The following PRCC variants were observed in gnomAD, a reference collection of about 807,000 sequenced individuals.
PRCC encodes the protein proline rich mitotic checkpoint control factor.
A neutral mutation model predicts 44.0 loss-of-function variants in PRCC; 10 were observed. The observed-to-expected ratio is 0.23, with a 90% CI of 0.14 to 0.39. PRCC has a LOEUF of 0.39. Among genes scored for constraint, PRCC ranks in the 10% least tolerant of loss-of-function variants. PRCC has a pLI of 1.00. For synonymous variants in PRCC, 278 were observed against 259.5 expected, an observed-to-expected ratio of 1.07 and a Z score of -0.69; for missense variants, 573 against 624.7, an observed-to-expected ratio of 0.92 and a Z score of 0.88.
At position 156,791,806 on chromosome 1, in the gene PRCC, G is replaced by C; in HGVS notation, c.1179+14G>C. 1 of 1,607,268 alleles carries C rather than the reference G, an allele frequency of 6.2e-7. No homozygotes were observed. Among genetic ancestry groups the C allele is most frequent in the South Asian group, 1.1e-5 (1 of 90,460 alleles). On this transcript the variant is annotated intron_variant, in intron 4 of 6. Transcript: ENST00000271526. ...GATGACGAAGCAGTAAGTTAAGAAA[G>C]CACAAGTGACCATCTTTGACCGCTG...
At position 156,794,693 on chromosome 1, in the gene PRCC, G is replaced by A. The variant is rs996666564; in HGVS notation, c.1208G>A (p.Arg403Gln). The A allele has an allele frequency of 4.3e-6, 7 of 1,614,124 alleles. No homozygotes were observed. In the Admixed American group the frequency reaches 5.0e-5, roughly 12 times the overall value. Reference protein sequence around the residue: ...AFKRLQGKRNRGREEINFVEI... With the variant: ...AFKRLQGKRNQGREEINFVEI... ...AAGCGGCTGCAGGGCAAGAGGAACC[G>A]AGGGAGAGAAGAAATCAACTTTGTG... is the stretch of plus-strand genomic sequence containing the variant. The change falls in exon 5 of 7, where the codon CGA becomes CAA. Residue 403 changes from arginine (R) to glutamine (Q), a missense_variant. This residue lies in a region of PRCC where 69 missense variants were observed against 139.3 expected (regional missense o/e 0.50). Coordinates refer to ENST00000271526, the MANE Select transcript of PRCC (RefSeq NM_005973.5).
At chr1:156,777,991 C>T (rs1157703950) in intron 1 of PRCC, among the ~76,000 whole-genome samples, 4 of 152,174 alleles carry the variant, frequency 2.6e-5, no homozygotes, top group Non-Finnish European at 5.9e-5. Context: ...TTTATGAATA[C>T]TGTAGAATAA....
rs1288092599 is a variant in PRCC at position 156,787,207 on chromosome 1, A to T, written c.1083+33A>T. The stretch of plus-strand genomic sequence containing the variant: ...GGAGGCACAGAGGGCAGGCGAGGGA[A>T]TGTTGGAACATGGTGGTCAAGGAGA... On this transcript the variant is annotated intron_variant, in intron 3 of 6. Transcript: ENST00000271526. 4 of 1,555,944 alleles carry T rather than the reference A, an allele frequency of 2.6e-6. No individual in the cohort carries two copies. In the East Asian group the frequency reaches 9.0e-5, roughly 35 times the overall value.
intron 1 of PRCC, among the ~76,000 whole-genome samples, chr1:156,780,050 G>A (rs927006587): frequency 2.0e-5 from 3 of 151,538 alleles, no homozygotes; most frequent in Non-Finnish European, 4.4e-5. Context: ...GCTAACTTTT[G>A]TATTTTTATT....
chr1:156,799,141 C>T (rs548398361), intron 6 of PRCC, among the ~76,000 whole-genome samples: 1 of 152,088 alleles, frequency 6.6e-6, no homozygotes, highest in Non-Finnish European at 1.5e-5. Flanking sequence ...CATGTATGAT[C>T]TGTATTTGTG....
At chr1:156,774,521 C>T (rs77987554) in intron 1 of PRCC, among the ~76,000 whole-genome samples, 10,272 of 148,726 alleles carry the variant, frequency 0.069, 486 homozygotes, top group South Asian at 0.14. Context: ...GGGTCTCAGT[C>T]TGTTGCCCAG....
intron 1 of PRCC, among the ~76,000 whole-genome samples, chr1:156,768,566 A>G (rs925865501): frequency 2.6e-5 from 4 of 151,888 alleles, no homozygotes; most frequent in Admixed American, 6.6e-5. Flanking sequence ...CTTTCCTCCT[A>G]CTGAGAACAG....
In PRCC at chr1:156,786,776, C is replaced by G. The variant is rs201490397; in HGVS notation, c.685C>G (p.Leu229Val). The change falls in exon 3 of 7, where the codon CTT becomes GTT. Residue 229 changes from leucine to valine, a missense_variant. This residue lies in a region of PRCC where 118 missense variants were observed against 166.7 expected (regional missense o/e 0.71). Coordinates refer to ENST00000271526, the MANE Select transcript of PRCC (RefSeq NM_005973.5). ...GGCTTCTAAGACCAAGACTTCCTCTCTTGCCCCTGTTGTGGGCACCACAAC... is the reference window on the plus strand; with the variant it reads ...GGCTTCTAAGACCAAGACTTCCTCTGTTGCCCCTGTTGTGGGCACCACAAC... ...RLASKTKTSSLAPVVGTTTTT... is the reference protein window; with the variant it reads ...RLASKTKTSSVAPVVGTTTTT... 1.9e-6 allele frequency: 3 copies of G among 1,614,234 alleles called. No homozygotes were observed. In the South Asian group the frequency reaches 3.3e-5, roughly 18 times the overall value.
intron 4 of PRCC, among the ~76,000 whole-genome samples, chr1:156,792,631 T>C (rs1487902447): frequency 6.6e-6 from 1 of 152,086 alleles, no homozygotes; most frequent in Non-Finnish European, 1.5e-5. Context: ...TTTTTGTATT[T>C]TTAGTAGAGA....
At position 156,767,780 on chromosome 1, in the gene PRCC, G is replaced by T. The variant is rs756370853; in HGVS notation, c.9G>T (p.Leu3=). 6.2e-7 allele frequency: 1 copy of T among 1,603,072 alleles called. No homozygotes were observed. Among genetic ancestry groups the T allele is most frequent in the Non-Finnish European group, 8.5e-7 (1 of 1,176,410 alleles). MS[L]VAYASSDESE... is the part of the protein sequence containing the mutation. ...GAAACGCGGGAGGCGCCATGTCGCTGGTTGCTTACGCCAGCAGCGATGAGA... is the reference window on the plus strand; with the variant it reads ...GAAACGCGGGAGGCGCCATGTCGCTTGTTGCTTACGCCAGCAGCGATGAGA... The change falls in exon 1 of 7, where the codon CTG becomes CTT. Residue 3 remains leucine, a synonymous_variant. Transcript: ENST00000271526.
intron 5 of PRCC, 112 bp downstream of exon 5, chr1:156,794,920 C>A: frequency 7.2e-7 from 1 of 1,393,680 alleles, no homozygotes; most frequent in Non-Finnish European, 9.9e-7. Context: ...GCACCTTTAG[C>A]AAACACATTT....
intron 1 of PRCC, among the ~76,000 whole-genome samples, chr1:156,774,950 CAAAA>C (rs35955533): frequency 3.8e-5 from 4 of 105,486 alleles, no homozygotes; most frequent in Admixed American, 9.7e-5. Flanking sequence ...GACTCTGTCT[CAAAA>C]AAAAAAAAAA....
chr1:156,785,077 C>G (rs1652187701), intron 2 of PRCC, among the ~76,000 whole-genome samples: 2 of 152,056 alleles, frequency 1.3e-5, no homozygotes, highest in African/African-American at 4.8e-5. Flanking sequence ...ACTAAAGATA[C>G]TAAAATTACA....
At position 156,767,962 on chromosome 1, in the gene PRCC, C is replaced by A; in HGVS notation, c.191C>A (p.Pro64Gln). ...CAGATGCTGGCGCCAGCCTTTCCCC[C>A]GCCGCTGTTGCTTCCCCCACCCACC... Reference protein sequence around the residue: ...PPQMLAPAFPPPLLLPPPTGD... With the variant: ...PPQMLAPAFPQPLLLPPPTGD... Residue 64 changes from proline (P) to glutamine (Q), a missense_variant, in exon 1 of 7, where the codon CCG becomes CAG. Around this residue, in one of 4 missense-constraint regions of PRCC, gnomAD observed 245 missense variants for 188.5 expected, o/e 1.30. Transcript: ENST00000271526. The A allele has an allele frequency of 6.3e-7, 1 of 1,586,354 alleles. No individual in the cohort carries two copies. The highest frequency in any genetic ancestry group is 1.8e-5 in the Admixed American group (1 of 56,644).
intron 1 of PRCC, among the ~76,000 whole-genome samples, chr1:156,772,503 G>A (rs761059183): frequency 1.3e-5 from 2 of 152,196 alleles, no homozygotes; most frequent in African/African-American, 4.8e-5. Flanking sequence ...TACACTGGTT[G>A]ATTTCATAGG....
At chr1:156,783,615 A>T (rs931842971) in intron 2 of PRCC, among the ~76,000 whole-genome samples, 1 of 152,038 alleles carries the variant, frequency 6.6e-6, no homozygotes, top group Non-Finnish European at 1.5e-5. Flanking sequence ...GCGTGGTGAC[A>T]GGTGCCTATA....
intron 1 of PRCC, among the ~76,000 whole-genome samples, chr1:156,772,494 A>G (rs1217439815): frequency 6.6e-6 from 1 of 152,224 alleles, no homozygotes; most frequent in African/African-American, 2.4e-5. Flanking sequence ...GACCCAAGCT[A>G]CACTGGTTGA....
chr1:156,800,639 C>A lies in PRCC; in HGVS notation c.*179C>A. Reference sequence around the variant, plus strand: ...TTTCTTAACAAGTTAGAAAATTCAGCTCCTTTCTGTCCTGGAGCTAGCAAA... The same window carrying A: ...TTTCTTAACAAGTTAGAAAATTCAGATCCTTTCTGTCCTGGAGCTAGCAAA... On this transcript the variant is annotated 3_prime_UTR_variant, in exon 7 of 7. Transcript: ENST00000271526. 1 of 619,896 alleles carries A rather than the reference C, an allele frequency of 1.6e-6. No homozygotes were observed. 38.4% of individuals were successfully genotyped at this position (619,896 alleles called of 1,614,324 possible).
intron 1 of PRCC, among the ~76,000 whole-genome samples, chr1:156,772,490 A>T (rs570433942): frequency 6.6e-6 from 1 of 152,322 alleles, no homozygotes; most frequent in South Asian, 2.1e-4. Context: ...CTGTGACCCA[A>T]GCTACACTGG....
Sources: gnomAD v4.1 joint callset for allele counts (sites outside exome capture counted in the v4.1 genomes callset) on GRCh38, gnomAD v4.1.1 for gene constraint, gnomAD v4.1.1 regional missense constraint, MANE v1.5 for transcripts, NCBI Gene and HGNC (gene_info 2026-07-23, HGNC 2026-07-21) for gene names.